The following AFAP1 variants were observed in gnomAD, a reference collection of about 807,000 sequenced individuals.
AFAP1 encodes actin filament associated protein 1.
Under a neutral mutation model 93.9 loss-of-function variants are expected in AFAP1, and 75 were observed. The ratio of observed to expected loss-of-function variants is 0.80; its 90% CI spans 0.66 to 0.97. The LOEUF is 0.97. Ranked by LOEUF, AFAP1 falls within the 50% of genes least tolerant of loss-of-function variation. The pLI is 0.00. For synonymous variants in AFAP1, 517 were observed against 430.7 expected, an observed-to-expected ratio of 1.20 and a Z score of -2.48; for missense variants, 1,201 against 1,050.8, an observed-to-expected ratio of 1.14 and a Z score of -1.98.
At chr4:7,936,035 C>T (rs1444783768) in intron 1 of AFAP1, among the ~76,000 whole-genome samples, 1 of 152,108 alleles carries the variant, frequency 6.6e-6, no homozygotes, top group Non-Finnish European at 1.5e-5. Flanking sequence ...CCCAAAAGAA[C>T]AAAGTACATG....
intron 1 of AFAP1, among the ~76,000 whole-genome samples, chr4:7,873,641 C>G (rs564855983): frequency 5.0e-4 from 76 of 152,194 alleles, no homozygotes; most frequent in African/African-American, 1.7e-3. Context: ...AGCCACCACA[C>G]CCGACCAACA....
chr4:7,921,847 C>T (rs1274429880), intron 1 of AFAP1, among the ~76,000 whole-genome samples: 2 of 152,188 alleles, frequency 1.3e-5, no homozygotes, highest in Non-Finnish European at 2.9e-5. Context: ...ACACATAGGC[C>T]GGGCGCGGTG....
In AFAP1 at chr4:7,929,880, G is replaced by T. The variant is rs375385696; in HGVS notation, c.-3+9776C>A. ...GAGGTGCCGGCTCTGTTCTCAGCAG[G>T]ACCGTTATAATAGCTTCAGGCCACA... On this transcript the variant is annotated intron_variant, in intron 1 of 17. Coordinates refer to ENST00000420658, the MANE Select transcript of AFAP1 (RefSeq NM_001134647.2). Among the ~76,000 whole-genome samples the T allele has an allele frequency of 3.3e-5, 5 of 152,192 alleles. No homozygotes were observed. In the East Asian group the frequency reaches 5.8e-4, roughly 18 times the overall value.
At chr4:7,822,574 TTTTTC>T (rs1577253874) in intron 6 of AFAP1, among the ~76,000 whole-genome samples, 1 of 109,822 alleles carries the variant, frequency 9.1e-6, no homozygotes, top group African/African-American at 3.7e-5. Context: ...GTCTTCTTTC[TTTTTC>T]TTTTTTCTTT....
rs759557047 is a variant in AFAP1 at position 7,772,959 on chromosome 4, T to C, written c.2114A>G (p.Glu705Gly). 1 of 1,613,250 alleles carries C rather than the reference T, an allele frequency of 6.2e-7. No individual in the cohort carries two copies. Among genetic ancestry groups the C allele is most frequent in the Non-Finnish European group, 8.5e-7 (1 of 1,179,980 alleles). Reference protein sequence around the residue: ...LEEKLKQLEEECRQKEAERVS... With the variant: ...LEEKLKQLEEGCRQKEAERVS... Reference sequence around the variant, plus strand: ...ACGCTCCGCCTCCTTCTGCCGGCACTCCTCCTCCAGCTGCTTCAGCTTCTC... The same window carrying C: ...ACGCTCCGCCTCCTTCTGCCGGCACCCCTCCTCCAGCTGCTTCAGCTTCTC... The change falls in exon 16 of 18, where the codon GAG becomes GGG. Residue 705 changes from glutamate to glycine, a missense_variant. Transcript: ENST00000420658.
chr4:7,886,309 G>C (rs1333170003), intron 1 of AFAP1, among the ~76,000 whole-genome samples: 1 of 152,188 alleles, frequency 6.6e-6, no homozygotes, highest in Non-Finnish European at 1.5e-5. Context: ...TGGCTTTGGG[G>C]ACACTCAATT....
chr4:7,849,716 A>G (rs968952014), intron 4 of AFAP1, among the ~76,000 whole-genome samples: 1 of 152,174 alleles, frequency 6.6e-6, no homozygotes, highest in Non-Finnish European at 1.5e-5. Context: ...CAGCTGCCCC[A>G]CACAACTCTG....
intron 17 of AFAP1, among the ~76,000 whole-genome samples, chr4:7,768,241 G>A (rs574745624): frequency 2.6e-5 from 4 of 152,354 alleles, no homozygotes; most frequent in Non-Finnish European, 5.9e-5. Flanking sequence ...CGCTGCTGCC[G>A]CCAGGACCCG....
At chr4:7,908,324 C>G (rs564100680) in intron 1 of AFAP1, among the ~76,000 whole-genome samples, 3 of 152,342 alleles carry the variant, frequency 2.0e-5, no homozygotes, top group African/African-American at 7.2e-5. Context: ...TCTTAATACT[C>G]GCCATATTCC....
intron 16 of AFAP1, among the ~76,000 whole-genome samples, 173 bp from the exon 17 acceptor site, chr4:7,769,181 G>A (rs1423195429): frequency 1.3e-5 from 2 of 152,216 alleles, no homozygotes; most frequent in Non-Finnish European, 2.9e-5. Flanking sequence ...AGCGTCTCCT[G>A]GCATTCACGG....
At chr4:7,855,397 AG>A (rs1264145637) in intron 4 of AFAP1, 68 bp downstream of exon 4, 1 of 1,255,240 alleles carries the variant, frequency 8.0e-7, no homozygotes, top group African/African-American at 1.5e-5. Context: ...CTACCCAGAA[AG>A]GGGACAGGCT....
chr4:7,916,960 T>C (rs1720116206), intron 1 of AFAP1, among the ~76,000 whole-genome samples: 1 of 152,200 alleles, frequency 6.6e-6, no homozygotes. Flanking sequence ...TTTCTTGAAA[T>C]GATCGTAAAT....
At chr4:7,830,997 T>C (rs1711547627) in intron 6 of AFAP1, among the ~76,000 whole-genome samples, 1 of 152,224 alleles carries the variant, frequency 6.6e-6, no homozygotes. Context: ...CATGTTTCAA[T>C]TCTATCTGTA....
chr4:7,844,189 T>C (rs952793119), intron 4 of AFAP1, among the ~76,000 whole-genome samples: 4 of 151,924 alleles, frequency 2.6e-5, no homozygotes, highest in African/African-American at 9.7e-5. Flanking sequence ...ACCATATGAC[T>C]ATATGTAGAG....
At chr4:7,911,926 G>T (rs535415097) in intron 1 of AFAP1, among the ~76,000 whole-genome samples, 26 of 152,144 alleles carry the variant, frequency 1.7e-4, no homozygotes, top group Non-Finnish European at 3.7e-4. Context: ...GGCAACACGG[G>T]GAATGAAATA....
intron 13 of AFAP1, among the ~76,000 whole-genome samples, chr4:7,780,153 T>C (rs1282241706): frequency 6.6e-6 from 1 of 152,182 alleles, no homozygotes; most frequent in Non-Finnish European, 1.5e-5. Flanking sequence ...ACCTGACAAC[T>C]TTTTGGCATA....
At chr4:7,771,084 C>T (rs1336254266) in intron 16 of AFAP1, among the ~76,000 whole-genome samples, 7 of 152,264 alleles carry the variant, frequency 4.6e-5, no homozygotes, top group African/African-American at 1.2e-4. Context: ...TTTCACTGTT[C>T]TCCACAGATC....
intron 6 of AFAP1, among the ~76,000 whole-genome samples, chr4:7,832,521 C>G (rs1036317590): frequency 2.0e-5 from 3 of 152,044 alleles, no homozygotes; most frequent in East Asian, 1.9e-4. Flanking sequence ...TTTCCCACCC[C>G]ACTCCTGAGC....
At position 7,838,572 on chromosome 4, in the gene AFAP1, C is replaced by A; in HGVS notation, c.678G>T (p.Pro226=). ...ELKITQQGTD[P]LVLAVQSKEQ... ...CCTTGCTCTGGACGGCGAGAACAAG[C>A]GGGTCCGTGCCCTGCTGAGTAATCT... The change falls in exon 6 of 18, where the codon CCG becomes CCT. Residue 226 remains proline (P), a synonymous_variant. Transcript: ENST00000420658. 3.1e-6 allele frequency: 5 copies of A among 1,614,106 alleles called. No individual in the cohort carries two copies. Among genetic ancestry groups the A allele is most frequent in the African/African-American group, 2.7e-5 (2 of 75,038 alleles).
Sources: allele counts gnomAD v4.1 joint callset (sites outside exome capture counted in the v4.1 genomes callset), GRCh38; gene constraint gnomAD v4.1.1; transcripts MANE v1.5; gene names NCBI Gene and HGNC (gene_info 2026-07-23, HGNC 2026-07-21).